The following CCDC40 variants were observed in gnomAD, a reference collection of about 807,000 sequenced individuals.
CCDC40 encodes the protein coiled-coil domain-containing protein 40.
CCDC40 carries 104 observed loss-of-function variants against 124.5 expected under a neutral mutation model. The ratio of observed to expected loss-of-function variants is 0.84; its 90% CI spans 0.71 to 0.98. The LOEUF is 0.98. Among genes scored for constraint, CCDC40 ranks in the 50% least tolerant of loss-of-function variants. The pLI, the probability that CCDC40 is intolerant of heterozygous loss-of-function variation, is 0.00. For synonymous variants in CCDC40, 580 were observed against 602.9 expected (o/e 0.96, Z 0.56); for missense variants, 1,463 against 1,503.9 (o/e 0.97, Z 0.45).
In CCDC40 at chr17:80,051,650, A is replaced by AAAAAAAG. The variant is rs1441077591; in HGVS notation, c.1159+1371_1159+1372insAAGAAAA. Among the ~76,000 whole-genome samples, 13 of 143,718 alleles carry AAAAAAAG rather than the reference A, an allele frequency of 9.0e-5. 1 individual carries two copies. Among genetic ancestry groups the AAAAAAAG allele is most frequent in the African/African-American group, 3.3e-4 (13 of 38,898 alleles). 94.3% of individuals were successfully genotyped at this position (143,718 alleles called of 152,430 possible). ...TCTCAAAAAAAAAAAAAAAAAAAAA[A>AAAAAAAG]AAAAGAAAAAAGAACCTCTCTCCAG... On this transcript the variant is annotated intron_variant, in intron 7 of 19. Coordinates refer to ENST00000397545, the MANE Select transcript of CCDC40 (RefSeq NM_017950.4).
chr17:80,045,075 A>G (rs2143597004), intron 3 of CCDC40, among the ~76,000 whole-genome samples: 1 of 152,316 alleles, frequency 6.6e-6, no homozygotes, highest in African/African-American at 2.4e-5. Flanking sequence ...GTGGCTCCAG[A>G]TGCCTCAGAA....
In CCDC40 at chr17:80,084,871, C is replaced by T. The variant is rs773715618; in HGVS notation, c.2118C>T (p.Asn706=). ...TGGACCAGGACGTGAAGAAAGTCAA[C>T]GAGCTCATCACCAACAGCCAGAGCG... is the stretch of plus-strand genomic sequence containing the variant. ...VELDQDVKKV[N]ELITNSQSEI... is the part of the protein sequence containing the mutation. Residue 706 remains asparagine, a synonymous_variant, in exon 13 of 20, where the codon AAC becomes AAT. Coordinates refer to ENST00000397545, the MANE Select transcript of CCDC40 (RefSeq NM_017950.4). The T allele has an allele frequency of 8.1e-6, 13 of 1,614,038 alleles. No homozygotes were observed. The highest frequency in any genetic ancestry group is 5.3e-5 in the African/African-American group (4 of 74,934).
intron 9 of CCDC40, among the ~76,000 whole-genome samples, chr17:80,061,182 C>T (rs2037886179): frequency 6.6e-6 from 1 of 151,922 alleles, no homozygotes; most frequent in Non-Finnish European, 1.5e-5. Context: ...CCCATCTCTA[C>T]TGAAAATACA....
intron 3 of CCDC40, among the ~76,000 whole-genome samples, 161 bp from the exon 4 acceptor site, chr17:80,047,118 G>T (rs548723418): frequency 3.2e-4 from 49 of 152,278 alleles, no homozygotes; most frequent in South Asian, 1.2e-3. Context: ...AGTGCTGGGA[G>T]TTACAGGCAT....
intron 3 of CCDC40, among the ~76,000 whole-genome samples, chr17:80,045,183 G>A (rs1297018340): frequency 1.3e-5 from 2 of 152,206 alleles, no homozygotes; most frequent in East Asian, 1.9e-4. Context: ...GGGGCTGCCC[G>A]TGCAAACTGG....
At position 80,058,558 on chromosome 17, in the gene CCDC40, C is replaced by T. The variant is rs1427846906; in HGVS notation, c.1224C>T (p.Asp408=). Reference sequence around the variant, plus strand: ...ATCTCTTCTACATGCAGAACATCGACCAGGACATGCGTGACGACATCCGCG... The same window carrying T: ...ATCTCTTCTACATGCAGAACATCGATCAGGACATGCGTGACGACATCCGCG... The part of the protein sequence containing the change: ...ALHLFYMQNI[D]QDMRDDIRVM... The change falls in exon 8 of 20, where the codon GAC becomes GAT. Residue 408 remains aspartate, a synonymous_variant. Coordinates refer to ENST00000397545, the MANE Select transcript of CCDC40 (RefSeq NM_017950.4). The surrounding 1 kb of genome is among the most constrained non-coding windows in gnomAD (Gnocchi z 4.2). 2 of 1,613,954 alleles carry T rather than the reference C, an allele frequency of 1.2e-6. No individual in the cohort carries two copies. The highest frequency in any genetic ancestry group is 4.5e-5 in the East Asian group (2 of 44,890).
intron 12 of CCDC40, 114 bp from the exon 13 acceptor site, chr17:80,084,629 G>C: frequency 7.7e-7 from 1 of 1,301,882 alleles, no homozygotes; most frequent in South Asian, 1.2e-5. Context: ...GTGACTGTGC[G>C]TTTGGAATAT....
At chr17:80,037,090 A>G (rs1273389858) in intron 1 of CCDC40, among the ~76,000 whole-genome samples, 1 of 151,934 alleles carries the variant, frequency 6.6e-6, no homozygotes, top group Non-Finnish European at 1.5e-5. Flanking sequence ...ACCGCCCCTG[A>G]CCTTGCTCCG....
chr17:80,099,557 C>CGCCTTAAGCACCT lies in CCDC40; in HGVS notation c.3214_3226dup (p.Gln1076ProfsTer2), dbSNP rs1187898092. ...TTCAGAGATCGTGGCCCTGCAGACA[C>CGCCTTAAGCACCT]GCCTTAAGCACCTGCAGGCTGTGAA... On this transcript the variant is annotated frameshift_variant, in exon 20 of 20. Transcript: ENST00000397545. LOFTEE classifies it low-confidence loss of function (END_TRUNC). 6.2e-7 allele frequency: 1 copy of CGCCTTAAGCACCT among 1,612,060 alleles called. No homozygotes were observed. The highest frequency in any genetic ancestry group is 8.5e-7 in the Non-Finnish European group (1 of 1,180,018).
chr17:80,089,837 G>C lies in CCDC40; in HGVS notation c.2785G>C (p.Gly929Arg). The C allele has an allele frequency of 6.2e-7, 1 of 1,614,232 alleles. No homozygotes were observed. Among genetic ancestry groups the C allele is most frequent in the South Asian group, 1.1e-5 (1 of 91,084 alleles). The change falls in exon 17 of 20, where the codon GGC (glycine) becomes CGC (arginine). Residue 929 changes from glycine (G) to arginine (R), a missense_variant. Physicochemically the swap from Gly to Arg is moderately radical, Grantham distance 125. Transcript: ENST00000397545. ...EMRSSVDSEI[G>R]QTEIRAMKGE... ...GCGTTCCTCAGTGGATTCCGAGATC[G>C]GCCAGACGGAGATCCGGGCCATGAA...
At chr17:80,071,032 G>A (rs1171251188) in intron 10 of CCDC40, among the ~76,000 whole-genome samples, 1 of 152,212 alleles carries the variant, frequency 6.6e-6, no homozygotes, top group Non-Finnish European at 1.5e-5. Context: ...AGCGGTCCAG[G>A]CAATCCAACG....
intron 3 of CCDC40, among the ~76,000 whole-genome samples, chr17:80,042,852 T>C (rs1444485367): frequency 2.5e-5 from 1 of 40,398 alleles, no homozygotes; most frequent in African/African-American, 1.3e-4. Flanking sequence ...TTGTTGTATG[T>C]TGTTGGGTTG....
chr17:80,037,688 A>AAAAAATATATATATATATATATATAT, intron 1 of CCDC40, among the ~76,000 whole-genome samples: 8 of 45,662 alleles, frequency 1.8e-4, no homozygotes, highest in African/African-American at 4.1e-4. Flanking sequence ...TTTTTTAAAA[A>AAAAAATATATATATATATATATATAT]AGATATACAT....
Position 80,058,528 on chromosome 17 carries a change from C to T in CCDC40, c.1194C>T (p.Ala398=). Residue 398 remains alanine, a synonymous_variant, in exon 8 of 20, where the codon GCC becomes GCT. Coordinates refer to ENST00000397545, the MANE Select transcript of CCDC40 (RefSeq NM_017950.4). This position sits in a 1 kb window ranked among gnomAD's most constrained non-coding sequence, Gnocchi z 4.2. ...AALQTEMENL[A]LHLFYMQNID... is the part of the protein sequence containing the mutation. Reference sequence around the variant, plus strand: ...TGCAGACTGAGATGGAGAACTTGGCCCTGCATCTCTTCTACATGCAGAACA... The same window carrying T: ...TGCAGACTGAGATGGAGAACTTGGCTCTGCATCTCTTCTACATGCAGAACA... The T allele has an allele frequency of 6.2e-7, 1 of 1,614,054 alleles. No individual in the cohort carries two copies. The highest frequency in any genetic ancestry group is 8.5e-7 in the Non-Finnish European group (1 of 1,179,940).
intron 17 of CCDC40, among the ~76,000 whole-genome samples, chr17:80,094,815 C>T (rs1335483008): frequency 6.6e-6 from 1 of 152,326 alleles, no homozygotes; most frequent in East Asian, 1.9e-4. Flanking sequence ...TGCACCCCCG[C>T]AGCCAATCCT....
At chr17:80,075,467 T>A (rs2038290161) in intron 10 of CCDC40, among the ~76,000 whole-genome samples, 1 of 152,084 alleles carries the variant, frequency 6.6e-6, no homozygotes, top group Non-Finnish European at 1.5e-5. Context: ...AAGGTTGGAA[T>A]TGCTTTTATT....
intron 7 of CCDC40, among the ~76,000 whole-genome samples, chr17:80,057,009 A>G (rs2037765035): frequency 6.8e-6 from 1 of 147,160 alleles, no homozygotes; most frequent in South Asian, 2.2e-4. Flanking sequence ...ACTGCACTCC[A>G]GCCTGGGCGA....
chr17:80,079,901 A>G (rs2038407484), intron 10 of CCDC40, among the ~76,000 whole-genome samples: 4 of 151,300 alleles, frequency 2.6e-5, no homozygotes, highest in Admixed American at 2.6e-4. Flanking sequence ...CTCCAGCCTG[A>G]GTGGCAGAGC....
rs59978698 is a variant in CCDC40, at chr17:80,065,575, G to T, written c.1531G>T (p.Glu511Ter). 1.2e-6 allele frequency: 2 copies of T among 1,612,864 alleles called. No homozygotes were observed. The highest frequency in any genetic ancestry group is 1.7e-5 in the Admixed American group (1 of 60,012). The change falls in exon 10 of 20, where the codon GAG becomes TAG. Residue 511 changes from glutamate to a stop codon, truncating the protein, a stop_gained. Transcript: ENST00000397545. LOFTEE classifies it high-confidence loss of function. Reference sequence around the variant, plus strand: ...CCTGGTGGGCATGAAGCACCGCGACGAGGCGCACAGGGCGGTGCTGGAGGC... The same window carrying T: ...CCTGGTGGGCATGAAGCACCGCGACTAGGCGCACAGGGCGGTGCTGGAGGC... ...SSLVGMKHRD[E>*]AHRAVLEALR...
Sources: allele counts gnomAD v4.1 joint callset (sites outside exome capture counted in the v4.1 genomes callset), GRCh38; gene constraint gnomAD v4.1.1; non-coding constraint Gnocchi (gnomAD v3.1); transcripts MANE v1.5; gene names NCBI Gene and HGNC (gene_info 2026-07-23, HGNC 2026-07-21).